TENM4: variants seen among roughly 807,000 people sequenced by gnomAD.
The protein encoded by TENM4 is teneurin transmembrane protein 4, also known as teneurin-4.
A neutral mutation model predicts 243.3 loss-of-function variants in TENM4; 82 were observed. The observed-to-expected ratio is 0.34, with a 90% confidence interval of 0.28 to 0.40. TENM4 has a LOEUF of 0.40. TENM4 is among the 10% of genes least tolerant of loss of function. The pLI, the probability that TENM4 is intolerant of heterozygous loss-of-function variation, is 1.00. For synonymous variants in TENM4, 1,412 were observed against 1,456.3 expected (o/e 0.97, Z 0.69); for missense variants, 3,138 against 3,673.3 (o/e 0.85, Z 3.77).
intron 1 of TENM4, among the ~76,000 whole-genome samples, chr11:79,379,995 C>T (rs1857968903): frequency 6.6e-6 from 1 of 152,070 alleles, no homozygotes; most frequent in South Asian, 2.1e-4. Context: ...CTCTTCAGCC[C>T]TTTTCTGTCT....
intron 12 of TENM4, among the ~76,000 whole-genome samples, chr11:78,852,982 G>T (rs1346996071): frequency 1.3e-5 from 2 of 152,070 alleles, no homozygotes; most frequent in Non-Finnish European, 2.9e-5. Context: ...TTGAACTCCT[G>T]GTCTCAAGCA....
intron 11 of TENM4, 61 bp downstream of exon 11, chr11:78,855,903 T>C: frequency 1.1e-5 from 16 of 1,479,062 alleles, no homozygotes; most frequent in Non-Finnish European, 1.5e-5. Flanking sequence ...TTCTTAACTT[T>C]GGGTTAAGAT....
intron 9 of TENM4, among the ~76,000 whole-genome samples, chr11:78,870,309 T>A (rs547451875): frequency 1.3e-5 from 2 of 152,208 alleles, no homozygotes; most frequent in Non-Finnish European, 2.9e-5. Context: ...ATACTGCCTT[T>A]TTCTTCTTTC....
intron 4 of TENM4, among the ~76,000 whole-genome samples, chr11:79,085,675 CT>C (rs1860794851): frequency 6.6e-6 from 1 of 152,138 alleles, no homozygotes; most frequent in Non-Finnish European, 1.5e-5. Context: ...TTGCCTTCCC[CT>C]GATTCAGTCC....
intron 1 of TENM4, among the ~76,000 whole-genome samples, chr11:79,345,873 C>T (rs1381165124): frequency 6.6e-6 from 1 of 152,180 alleles, no homozygotes; most frequent in African/African-American, 2.4e-5. Flanking sequence ...AGTTTTTGAG[C>T]TATGAGGAGC....
chr11:79,087,556 A>G (rs1264500901), intron 4 of TENM4, among the ~76,000 whole-genome samples: 1 of 152,220 alleles, frequency 6.6e-6, no homozygotes, highest in East Asian at 1.9e-4. Flanking sequence ...AATCAAACAA[A>G]AAACCATCTA....
At chr11:78,995,198 G>T (rs1462150007) in intron 6 of TENM4, among the ~76,000 whole-genome samples, 1 of 152,180 alleles carries the variant, frequency 6.6e-6, no homozygotes, top group Non-Finnish European at 1.5e-5. Context: ...ATAATCAAAA[G>T]CACAGAGACA....
At chr11:78,939,132 C>A (rs1313739716) in intron 6 of TENM4, among the ~76,000 whole-genome samples, 1 of 152,166 alleles carries the variant, frequency 6.6e-6, no homozygotes, top group Admixed American at 6.5e-5. Flanking sequence ...TGTGGCCTCC[C>A]GTTGTTTCCT....
chr11:79,299,184 C>A (rs774501615), intron 1 of TENM4, among the ~76,000 whole-genome samples: 10 of 152,158 alleles, frequency 6.6e-5, no homozygotes, highest in Non-Finnish European at 1.5e-4. Flanking sequence ...CCCAGTGGTG[C>A]CCCTGCTACA....
At chr11:78,684,354 C>T (rs866769361) in intron 29 of TENM4, among the ~76,000 whole-genome samples, 2 of 152,226 alleles carry the variant, frequency 1.3e-5, no homozygotes, top group Non-Finnish European at 2.9e-5. Flanking sequence ...TTGCAGGATG[C>T]TCTGAGGATT....
chr11:78,743,789 G>A lies in TENM4; in HGVS notation c.2757-5219C>T, dbSNP rs535883769. Among the ~76,000 whole-genome samples the A allele has an allele frequency of 3.3e-5, 5 of 152,282 alleles. No individual in the cohort carries two copies. In the East Asian group the frequency reaches 9.7e-4, roughly 29 times the overall value. On this transcript the variant is annotated intron_variant, in intron 19 of 33. Transcript: ENST00000278550. ...ATGTATATTATACAAGCAGATAAAG[G>A]AAGGCAAAGGGAGAAAAACTGCAGC...
rs562085945 is a variant in TENM4 at position 79,085,921 on chromosome 11, C to T, written c.-65-15912G>A. On this transcript the variant is annotated intron_variant, in intron 4 of 33. Transcript: ENST00000278550. ...GCAAGCTGCTCAGATTCATATTGAC[C>T]GACCAATTCTTAAACATCTACTATG... Among the ~76,000 whole-genome samples the T allele has an allele frequency of 5.3e-5, 8 of 152,178 alleles. No individual in the cohort carries two copies. The South Asian group carries it at 8.3e-4, about 16-fold the overall frequency.
intron 1 of TENM4, among the ~76,000 whole-genome samples, chr11:79,312,474 A>G (rs999766560): frequency 6.6e-6 from 1 of 152,212 alleles, no homozygotes. Flanking sequence ...CAGCCTCCCT[A>G]TGAAAGTATG....
chr11:78,793,539 C>T (rs1339883741), intron 15 of TENM4, among the ~76,000 whole-genome samples: 3 of 152,108 alleles, frequency 2.0e-5, no homozygotes, highest in Admixed American at 6.5e-5. Context: ...TTTGTTTTAT[C>T]ACTAGCTCAT....
In TENM4 at chr11:78,728,809, T is replaced by C. The variant is rs1189731235; in HGVS notation, c.3406+567A>G. Among the ~76,000 whole-genome samples the C allele has an allele frequency of 2.6e-5, 4 of 152,090 alleles. No homozygotes were observed. In the South Asian group the frequency reaches 8.3e-4, roughly 32 times the overall value. ...CCTCTAATCTGGAAGCAGAAATGCA[T>C]ACAGCCAGCCCCTGGAAGCCCAAGG... is the stretch of plus-strand genomic sequence containing the variant. On this transcript the variant is annotated intron_variant, in intron 22 of 33. Coordinates refer to ENST00000278550, the MANE Select transcript of TENM4 (RefSeq NM_001098816.3).
intron 6 of TENM4, among the ~76,000 whole-genome samples, chr11:79,060,977 T>C (rs1009462183): frequency 6.6e-6 from 1 of 152,062 alleles, no homozygotes; most frequent in African/African-American, 2.4e-5. Context: ...CAGGGGTTTG[T>C]TGAGGTCAGT....
chr11:78,880,163 C>T (rs1484750441), intron 9 of TENM4, among the ~76,000 whole-genome samples: 4 of 152,156 alleles, frequency 2.6e-5, no homozygotes, highest in East Asian at 1.9e-4. Context: ...CCCCCAACCC[C>T]GTGCTCTCTG....
intron 1 of TENM4, among the ~76,000 whole-genome samples, chr11:79,353,588 G>A (rs1215987146): frequency 6.6e-6 from 1 of 152,092 alleles, no homozygotes; most frequent in Non-Finnish European, 1.5e-5. Flanking sequence ...TTACAAATGA[G>A]TCTGAAGTGA....
intron 9 of TENM4, among the ~76,000 whole-genome samples, chr11:78,888,464 C>T (rs1855592005): frequency 6.6e-6 from 1 of 152,212 alleles, no homozygotes; most frequent in Non-Finnish European, 1.5e-5. Flanking sequence ...AAGGGGACCT[C>T]CCTCTTTGCA....
Sources: gnomAD v4.1 joint callset for allele counts (sites outside exome capture counted in the v4.1 genomes callset) on GRCh38, gnomAD v4.1.1 for gene constraint, MANE v1.5 for transcripts, NCBI Gene and HGNC (gene_info 2026-07-23, HGNC 2026-07-21) for gene names.